LUZP2: variants seen among roughly 807,000 people sequenced by gnomAD.
LUZP2 encodes leucine zipper protein 2.
A neutral mutation model predicts 51.6 loss-of-function variants in LUZP2; 52 were observed. The observed-to-expected ratio is 1.01, with a 90% CI of 0.81 to 1.27. The LOEUF is 1.27. Among genes scored for constraint, LUZP2 ranks in the 50% most tolerant of loss-of-function variants. The pLI is 0.00. For missense variants in LUZP2, 436 were observed against 395.4 expected (o/e 1.10, Z -0.87); for synonymous variants, 154 against 137.3 (o/e 1.12, Z -0.85).
Position 24,774,379 on chromosome 11 carries a change from TATAC to T in LUZP2, c.396+11077_396+11080del, listed in dbSNP as rs371031220. Among the ~76,000 whole-genome samples the T allele has an allele frequency of 9.6e-3, 1,022 of 106,358 alleles. 38 individuals are homozygous for T. The highest frequency in any genetic ancestry group is 0.037 in the African/African-American group (920 of 24,762). The allele number at this position is 106,358 out of a possible 152,430, so 69.8% of individuals were successfully genotyped here. On this transcript the variant is annotated intron_variant, in intron 5 of 11. Coordinates refer to ENST00000336930, the MANE Select transcript of LUZP2 (RefSeq NM_001009909.4). The stretch of plus-strand genomic sequence containing the variant: ...CTCTCTCTCTATATATATATATATA[TATAC>T]ATACACACACACATATTTATAAAGA...
intron 5 of LUZP2, among the ~76,000 whole-genome samples, chr11:24,776,978 G>A (rs1848945107): frequency 6.7e-6 from 1 of 150,364 alleles, no homozygotes; most frequent in Admixed American, 6.7e-5. Context: ...CCATCCCCTT[G>A]GTGACACTGT....
intron 5 of LUZP2, among the ~76,000 whole-genome samples, chr11:24,858,190 G>A (rs1379962156): frequency 2.6e-5 from 4 of 152,050 alleles, no homozygotes; most frequent in African/African-American, 9.7e-5. Context: ...GGTAATTGTT[G>A]AGCATACTTT....
intron 5 of LUZP2, among the ~76,000 whole-genome samples, chr11:24,798,776 T>C (rs1849614672): frequency 6.6e-6 from 1 of 150,720 alleles, no homozygotes; most frequent in Non-Finnish European, 1.5e-5. Flanking sequence ...AGAGTTGACA[T>C]AAGGGAAAGG....
intron 1 of LUZP2, among the ~76,000 whole-genome samples, chr11:24,726,525 T>TC (rs924851175): frequency 3.1e-4 from 47 of 151,248 alleles, no homozygotes; most frequent in African/African-American, 1.1e-3. Flanking sequence ...CCCACCCTAC[T>TC]CCCCCCACCA....
In LUZP2 at chr11:24,738,287, A is replaced by G; in HGVS notation, c.318A>G (p.Glu106=). ...NQLKETSEKA[E]KHQATINFLK... is the part of the protein sequence containing the mutation. ...TTAAGGAGACATCAGAGAAAGCAGA[A>G]AAACACCAGGCTACTGTAAGTGTGT... Residue 106 remains glutamate, a synonymous_variant, in exon 4 of 12, where the codon GAA becomes GAG. Transcript: ENST00000336930. 1.2e-6 allele frequency: 2 copies of G among 1,612,198 alleles called. No homozygotes were observed. The highest frequency in any genetic ancestry group is 1.1e-5 in the South Asian group (1 of 90,970).
In LUZP2 at chr11:24,679,361, T is replaced by C. The variant is rs375010804; in HGVS notation, c.63-49808T>C. Among the ~76,000 whole-genome samples the C allele has an allele frequency of 5.9e-5, 9 of 152,234 alleles. No individual in the cohort carries two copies. In the East Asian group the frequency reaches 1.4e-3, roughly 23 times the overall value. ...AGAAGTTACATTTCACAAAACACCATAGAACTGAGATATGAAAATGTAAAA... is the reference window on the plus strand; with the variant it reads ...AGAAGTTACATTTCACAAAACACCACAGAACTGAGATATGAAAATGTAAAA... On this transcript the variant is annotated intron_variant, in intron 1 of 11. Coordinates refer to ENST00000336930, the MANE Select transcript of LUZP2 (RefSeq NM_001009909.4).
chr11:24,522,352 T>G (rs1357372663), intron 1 of LUZP2, among the ~76,000 whole-genome samples: 2 of 152,172 alleles, frequency 1.3e-5, no homozygotes, highest in Non-Finnish European at 2.9e-5. Flanking sequence ...TTTTGTTTTT[T>G]TGCTTTTTTG....
At chr11:24,628,904 G>T (rs992166650) in intron 1 of LUZP2, among the ~76,000 whole-genome samples, 1 of 151,976 alleles carries the variant, frequency 6.6e-6, no homozygotes, top group Non-Finnish European at 1.5e-5. Context: ...GAATCTGTGT[G>T]TGTGAATACA....
chr11:24,576,353 C>T (rs765883080), intron 1 of LUZP2, among the ~76,000 whole-genome samples: 10 of 135,986 alleles, frequency 7.4e-5, no homozygotes, highest in South Asian at 2.3e-4. Flanking sequence ...GTGAAGGTTG[C>T]AGTGAACCGA....
rs1859161556 is a variant in LUZP2, at chr11:24,741,894, C to T, written c.333+3592C>T. On this transcript the variant is annotated intron_variant, in intron 4 of 11. Transcript: ENST00000336930. ...ATATTTATAAATATATATTTATATA[C>T]ATATATATTTCTATATAATATATAC... Among the ~76,000 whole-genome samples, 9 of 118,730 alleles carry T rather than the reference C, an allele frequency of 7.6e-5. No individual in the cohort carries two copies. In the South Asian group the frequency reaches 9.5e-4, roughly 13 times the overall value. The allele number at this position is 118,730 out of a possible 152,430, so 77.9% of individuals were successfully genotyped here.
chr11:24,872,630 A>T (rs1292966007), intron 5 of LUZP2, among the ~76,000 whole-genome samples: 1 of 152,192 alleles, frequency 6.6e-6, no homozygotes, highest in Non-Finnish European at 1.5e-5. Context: ...AGAAGCACTT[A>T]TGGATTTTTT....
chr11:24,718,393 A>G (rs1216130779), intron 1 of LUZP2, among the ~76,000 whole-genome samples: 1 of 152,232 alleles, frequency 6.6e-6, no homozygotes, highest in Non-Finnish European at 1.5e-5. Flanking sequence ...CAGATTAATC[A>G]GTGAAGCACA....
intron 5 of LUZP2, among the ~76,000 whole-genome samples, chr11:24,872,735 T>C (rs1371797861): frequency 6.6e-6 from 1 of 152,174 alleles, no homozygotes; most frequent in African/African-American, 2.4e-5. Flanking sequence ...CTATATGGCA[T>C]ATGCAAAATT....
chr11:24,525,536 G>A (rs1850771808), intron 1 of LUZP2, among the ~76,000 whole-genome samples: 1 of 151,414 alleles, frequency 6.6e-6, no homozygotes, highest in Non-Finnish European at 1.5e-5. Flanking sequence ...TGTTGTCATA[G>A]GTAGGATCAG....
Position 24,623,134 on chromosome 11 carries a change from G to GAA in LUZP2, c.63-106034_63-106033dup, listed in dbSNP as rs1428602456. Among the ~76,000 whole-genome samples the GAA allele has an allele frequency of 7.9e-5, 12 of 151,804 alleles. No homozygotes were observed. In the East Asian group the frequency reaches 2.3e-3, roughly 30 times the overall value. ...ATACACACAGAGAGATTGAGAGAGAGAAGCAGGCATTTACTGAACTCCCCC... is the reference window on the plus strand; with the variant it reads ...ATACACACAGAGAGATTGAGAGAGAGAAAAGCAGGCATTTACTGAACTCCCCC... On this transcript the variant is annotated intron_variant, in intron 1 of 11. Coordinates refer to ENST00000336930, the MANE Select transcript of LUZP2 (RefSeq NM_001009909.4).
chr11:24,918,268 A>G (rs1392076312), intron 7 of LUZP2, among the ~76,000 whole-genome samples: 1 of 152,122 alleles, frequency 6.6e-6, no homozygotes, highest in Admixed American at 6.6e-5. Context: ...ATATACAATC[A>G]TGTCATCTGC....
chr11:24,747,303 G>C (rs1249212201), intron 4 of LUZP2, among the ~76,000 whole-genome samples: 2 of 152,118 alleles, frequency 1.3e-5, no homozygotes, highest in Non-Finnish European at 2.9e-5. Context: ...TAGCTGCAGT[G>C]ATTGTGATCT....
At chr11:24,678,539 GA>G (rs11330170) in intron 1 of LUZP2, among the ~76,000 whole-genome samples, 28,352 of 149,074 alleles carry the variant, frequency 0.19, 2,736 homozygotes, top group East Asian at 0.33. Flanking sequence ...AATATTAAAA[GA>G]AAAAAAAAAC....
At chr11:24,942,367 T>G (rs1449330688) in intron 7 of LUZP2, among the ~76,000 whole-genome samples, 1 of 152,142 alleles carries the variant, frequency 6.6e-6, no homozygotes, top group Non-Finnish European at 1.5e-5. Context: ...CTGGCAATAC[T>G]TGGTTTGGTC....
Sources: gnomAD v4.1 joint callset for allele counts (sites outside exome capture counted in the v4.1 genomes callset) on GRCh38, gnomAD v4.1.1 for gene constraint, MANE v1.5 for transcripts, NCBI Gene and HGNC (gene_info 2026-07-23, HGNC 2026-07-21) for gene names.